Variants in GCLC observed in about 807,000 individuals in gnomAD.
GCLC encodes the protein glutamate-cysteine ligase catalytic subunit, also known as glutamate--cysteine ligase catalytic subunit.
Under a neutral mutation model 81.5 loss-of-function variants are expected in GCLC, and 30 were observed. The ratio of observed to expected loss-of-function variants is 0.37; its 90% CI spans 0.28 to 0.50. The LOEUF (loss-of-function observed/expected upper bound fraction) is 0.50. Among genes scored for constraint, GCLC ranks in the 20% least tolerant of loss-of-function variants. The probability of loss-of-function intolerance (pLI) is 0.96; values close to 1 mark genes in which losing one functional copy is unlikely to be tolerated. For missense variants in GCLC, 556 were observed against 777.4 expected (o/e 0.72, Z 3.39); for synonymous variants, 262 against 273.3 (o/e 0.96, Z 0.41).
chr6:53,543,089 ATAG>A (rs1447685686), intron 1 of GCLC, among the ~76,000 whole-genome samples: 3 of 152,226 alleles, frequency 2.0e-5, no homozygotes, highest in Admixed American at 6.5e-5. Context: ...GGAACTTGAA[ATAG>A]TAGTTCATTC....
intron 12 of GCLC, chr6:53,503,087 C>T (rs570900209): frequency 2.0e-5 from 3 of 152,236 alleles, no homozygotes; most frequent in East Asian, 3.9e-4. Context: ...GCCTAATGCC[C>T]ATTGTGACAG....
chr6:53,515,833 T>A (rs1181617930), intron 4 of GCLC, among the ~76,000 whole-genome samples: 1 of 151,944 alleles, frequency 6.6e-6, no homozygotes, highest in African/African-American at 2.4e-5. Flanking sequence ...GAAAATAATC[T>A]CCCTATTAAA....
chr6:53,536,137 T>C (rs925554477), intron 1 of GCLC, among the ~76,000 whole-genome samples: 1 of 152,214 alleles, frequency 6.6e-6, no homozygotes, highest in Non-Finnish European at 1.5e-5. Flanking sequence ...ACAACATGGA[T>C]GGATCTCAAA....
In GCLC at chr6:53,498,713, G is replaced by A; in HGVS notation, c.*43C>T. On this transcript the variant is annotated 3_prime_UTR_variant, in exon 16 of 16. Transcript: ENST00000650454. ...CGGGCTGGCTGAGAGGCATGGTACT[G>A]TAGCCAGTTCGTCAATAATGCATTT... The A allele has an allele frequency of 1.7e-6, 2 of 1,207,202 alleles. No individual in the cohort carries two copies. Among genetic ancestry groups the A allele is most frequent in the Non-Finnish European group, 2.5e-6 (2 of 810,412 alleles). The allele number at this position is 1,207,202 out of a possible 1,614,324, so 74.8% of individuals were successfully genotyped here.
intron 6 of GCLC, chr6:53,509,508 C>A: frequency 1.8e-6 from 1 of 560,616 alleles, no homozygotes; most frequent in Non-Finnish European, 3.2e-6. Context: ...ATTAAATAGT[C>A]AAAAAAGAAA....
intron 8 of GCLC, among the ~76,000 whole-genome samples, chr6:53,508,251 A>T (rs1209644317): frequency 6.6e-6 from 1 of 152,176 alleles, no homozygotes; most frequent in East Asian, 1.9e-4. Flanking sequence ...CTTATTAGTC[A>T]ATGCCTAACC....
At chr6:53,502,883 CCT>C (rs1217410485) in intron 12 of GCLC, among the ~76,000 whole-genome samples, 1 of 152,094 alleles carries the variant, frequency 6.6e-6, no homozygotes, top group Non-Finnish European at 1.5e-5. Context: ...ATTTTGCCAC[CCT>C]TTCGCCAGCA....
In GCLC at chr6:53,514,478, G is replaced by A. The variant is rs773320609; in HGVS notation, c.580C>T (p.Arg194Ter). 4 of 1,613,020 alleles carry A rather than the reference G, an allele frequency of 2.5e-6. No individual in the cohort carries two copies. Among genetic ancestry groups the A allele is most frequent in the Non-Finnish European group, 3.4e-6 (4 of 1,179,122 alleles). The change falls in exon 5 of 16, where the codon CGA (arginine) becomes TGA (stop). Residue 194 changes from arginine (R) to a stop codon, truncating the protein, a stop_gained. Coordinates refer to ENST00000650454, the MANE Select transcript of GCLC (RefSeq NM_001498.4). LOFTEE classifies it high-confidence loss of function. ...ACAACCTTTTCTCCTCTCCTATGTC[G>A]GATATTTCTTGTTAAGGTACTAAAA... The part of the protein sequence containing the change: ...PRFSTLTRNI[R>*]HRRGEKVVIN...
chr6:53,532,458 T>C (rs1763190141), intron 1 of GCLC, among the ~76,000 whole-genome samples: 1 of 152,228 alleles, frequency 6.6e-6, no homozygotes, highest in Non-Finnish European at 1.5e-5. Flanking sequence ...ATTTGAGTAG[T>C]GGAGCCAACA....
chr6:53,499,139 C>T (rs1473376082), intron 15 of GCLC, among the ~76,000 whole-genome samples, 172 bp from the exon 16 acceptor site: 2 of 152,080 alleles, frequency 1.3e-5, no homozygotes, highest in East Asian at 3.9e-4. Context: ...TGAAGAACTC[C>T]TCCTGGGCAG....
Position 53,500,004 on chromosome 6 carries a change from T to C in GCLC, c.1702+41A>G, listed in dbSNP as rs1764475616. The C allele has an allele frequency of 2.2e-6, 3 of 1,387,590 alleles. No individual in the cohort carries two copies. The East Asian group carries it at 6.8e-5, about 32-fold the overall frequency. The allele number at this position is 1,387,590 out of a possible 1,614,324, so 86.0% of individuals were successfully genotyped here. On this transcript the variant is annotated intron_variant, in intron 15 of 15. Transcript: ENST00000650454. The stretch of plus-strand genomic sequence containing the variant: ...AATTGAACATTCTAAGATTATACCA[T>C]GCTGTCTATATTATGAGATTAAGAA...
intron 1 of GCLC, among the ~76,000 whole-genome samples, chr6:53,539,900 T>C (rs1763322991): frequency 6.6e-6 from 1 of 152,250 alleles, no homozygotes; most frequent in Non-Finnish European, 1.5e-5. Flanking sequence ...TTCACACTTC[T>C]ATTCAGAATG....
Position 53,500,365 on chromosome 6 carries a change from G to C in GCLC, c.1478-15C>G, listed in dbSNP as rs747065634. ...TGCATTGCCACCTGCCGGAGAAGAG[G>C]GTCAGGGGAGCTTTAGCAGCTTGTT... is the stretch of plus-strand genomic sequence containing the variant. On this transcript the variant is annotated splice_polypyrimidine_tract_variant and intron_variant, in intron 13 of 15. Transcript: ENST00000650454. The C allele has an allele frequency of 5.0e-6, 8 of 1,612,438 alleles. No homozygotes were observed. The highest frequency in any genetic ancestry group is 5.9e-6 in the Non-Finnish European group (7 of 1,178,538).
intron 1 of GCLC, among the ~76,000 whole-genome samples, chr6:53,527,081 G>A (rs1487896435): frequency 6.6e-6 from 1 of 152,128 alleles, no homozygotes; most frequent in East Asian, 1.9e-4. Context: ...CAGGGACTAT[G>A]AGCTGTGAGG....
At position 53,501,420 on chromosome 6, in the gene GCLC, C is replaced by T. The variant is rs542484818; in HGVS notation, c.1396-907G>A. On this transcript the variant is annotated intron_variant, in intron 12 of 15. Coordinates refer to ENST00000650454, the MANE Select transcript of GCLC (RefSeq NM_001498.4). ...GGACATGTAGACTCACTCATGAAAC[C>T]GAAAACTGTTTTATTTGTGAATTCT... 5.9e-5 allele frequency: 9 copies of T among 152,308 alleles called. No homozygotes were observed. In the East Asian group the frequency reaches 9.6e-4, roughly 16 times the overall value. The allele number at this position is 152,308 out of a possible 1,614,324, so 9.4% of individuals were successfully genotyped here.
At chr6:53,537,217 CT>C (rs1417848752) in intron 1 of GCLC, among the ~76,000 whole-genome samples, 3 of 152,200 alleles carry the variant, frequency 2.0e-5, no homozygotes, top group Admixed American at 6.5e-5. Flanking sequence ...TGCTCTCCCC[CT>C]CTCTCTCTAG....
intron 1 of GCLC, among the ~76,000 whole-genome samples, chr6:53,544,140 C>T (rs1165939779): frequency 6.6e-6 from 1 of 152,194 alleles, no homozygotes; most frequent in African/African-American, 2.4e-5. Context: ...AATTTTGAGC[C>T]TGTAAGGTGG....
intron 6 of GCLC, among the ~76,000 whole-genome samples, chr6:53,511,900 G>GAAGTCACATGACTTT (rs1491131216): frequency 1.3e-4 from 1 of 7,734 alleles, no homozygotes; most frequent in Non-Finnish European, 2.7e-4. Flanking sequence ...ACATGACTTT[G>GAAGTCACATGACTTT]GGGGGGGGGG....
At chr6:53,531,798 A>C (rs777093521) in intron 1 of GCLC, among the ~76,000 whole-genome samples, 52 of 152,160 alleles carry the variant, frequency 3.4e-4, no homozygotes, top group Non-Finnish European at 1.0e-4. Context: ...GTGCCTCCTA[A>C]AGTTGTACAA....
Sources: gnomAD v4.1 joint callset for allele counts (sites outside exome capture counted in the v4.1 genomes callset) on GRCh38, gnomAD v4.1.1 for gene constraint, MANE v1.5 for transcripts, NCBI Gene and HGNC (gene_info 2026-07-23, HGNC 2026-07-21) for gene names.